ANKS1B: variants seen among roughly 807,000 people sequenced by gnomAD.
ANKS1B encodes the protein ankyrin repeat and sterile alpha motif domain-containing protein 1B.
A neutral mutation model predicts 148.3 loss-of-function variants in ANKS1B; 36 were observed. That is an observed-to-expected ratio of 0.24 (90% CI 0.19 to 0.32). ANKS1B has a LOEUF of 0.32. Ranked by LOEUF, ANKS1B falls within the 10% of genes least tolerant of loss-of-function variation. The pLI is 1.00. For missense variants in ANKS1B, 1,157 were observed against 1,542.6 expected (o/e 0.75, Z 4.19); for synonymous variants, 542 against 560.8 (o/e 0.97, Z 0.47).
intron 14 of ANKS1B, among the ~76,000 whole-genome samples, chr12:99,165,016 A>C (rs2077061879): frequency 6.6e-6 from 1 of 152,008 alleles, no homozygotes. Flanking sequence ...ATATATTCAG[A>C]AAATATTTTA....
At chr12:99,683,319 T>A (rs925774979) in intron 8 of ANKS1B, among the ~76,000 whole-genome samples, 3 of 151,620 alleles carry the variant, frequency 2.0e-5, no homozygotes, top group African/African-American at 7.3e-5. Flanking sequence ...ATCACAGAAA[T>A]AGAAAAGATC....
At chr12:99,374,591 A>G (rs915404824) in intron 12 of ANKS1B, among the ~76,000 whole-genome samples, 1 of 152,198 alleles carries the variant, frequency 6.6e-6, no homozygotes, top group African/African-American at 2.4e-5. Context: ...CATTTATTTC[A>G]ATGTTTAATA....
At chr12:99,516,831 T>C (rs1408252176) in intron 9 of ANKS1B, among the ~76,000 whole-genome samples, 2 of 152,134 alleles carry the variant, frequency 1.3e-5, no homozygotes, top group Non-Finnish European at 1.5e-5. Flanking sequence ...TGTAGATGTG[T>C]GGATTTGTTT....
chr12:99,945,472 T>C (rs915950795), intron 1 of ANKS1B, among the ~76,000 whole-genome samples: 1 of 152,206 alleles, frequency 6.6e-6, no homozygotes, highest in Non-Finnish European at 1.5e-5. Context: ...TTGAAGTTTG[T>C]AGTAGTAGAT....
At chr12:99,648,171 A>G (rs749638352) in intron 9 of ANKS1B, 48 of 1,607,660 alleles carry the variant, frequency 3.0e-5, no homozygotes, top group Non-Finnish European at 4.0e-5. Context: ...ATTTAAAGGA[A>G]GACATGGAGG....
At chr12:99,265,643 T>C (rs1027405299) in intron 12 of ANKS1B, among the ~76,000 whole-genome samples, 5 of 152,148 alleles carry the variant, frequency 3.3e-5, no homozygotes, top group African/African-American at 1.2e-4. Context: ...AGGAGTTAAC[T>C]GGGGCAGTGT....
chr12:99,195,827 A>T (rs2081318267), intron 14 of ANKS1B, among the ~76,000 whole-genome samples: 1 of 152,112 alleles, frequency 6.6e-6, no homozygotes, highest in Non-Finnish European at 1.5e-5. Flanking sequence ...AATCCTCCTT[A>T]AAAGAAAGAT....
At chr12:99,227,367 C>A (rs2086113392) in intron 14 of ANKS1B, among the ~76,000 whole-genome samples, 1 of 152,202 alleles carries the variant, frequency 6.6e-6, no homozygotes, top group Non-Finnish European at 1.5e-5. Context: ...CAGGAACATG[C>A]TTCCTGTAAA....
At chr12:99,479,073 G>A (rs1350075203) in intron 10 of ANKS1B, among the ~76,000 whole-genome samples, 4 of 151,764 alleles carry the variant, frequency 2.6e-5, no homozygotes, top group Admixed American at 2.6e-4. Flanking sequence ...TATACTTTTA[G>A]CACATGTCAA....
chr12:99,655,994 A>G (rs1252080641), intron 8 of ANKS1B, among the ~76,000 whole-genome samples: 1 of 152,084 alleles, frequency 6.6e-6, no homozygotes, highest in African/African-American at 2.4e-5. Context: ...AAACAGACTG[A>G]AACTCAGTAT....
chr12:99,258,442 A>C (rs1054759797), intron 12 of ANKS1B, among the ~76,000 whole-genome samples: 1 of 151,966 alleles, frequency 6.6e-6, no homozygotes, highest in Non-Finnish European at 1.5e-5. Context: ...AAAAAAAAGC[A>C]TGCAAAATAA....
At chr12:98,851,286 T>G (rs2099523971) in intron 17 of ANKS1B, among the ~76,000 whole-genome samples, 1 of 151,790 alleles carries the variant, frequency 6.6e-6, no homozygotes, top group Non-Finnish European at 1.5e-5. Flanking sequence ...TCTTAGGGAG[T>G]AGGTTCAGAG....
chr12:98,737,873 T>C (rs2097781073), intron 9 of ANKS1B, among the ~76,000 whole-genome samples: 1 of 152,260 alleles, frequency 6.6e-6, no homozygotes, highest in Admixed American at 6.5e-5. Context: ...ACAGACATTT[T>C]ATATTATAAT....
intron 12 of ANKS1B, among the ~76,000 whole-genome samples, chr12:99,365,366 T>C (rs1013974443): frequency 2.6e-5 from 4 of 152,242 alleles, no homozygotes; most frequent in Non-Finnish European, 5.9e-5. Flanking sequence ...TAGACCAATT[T>C]CATGTGATCC....
chr12:99,038,962 T>C (rs1487101355), intron 17 of ANKS1B, among the ~76,000 whole-genome samples: 1 of 152,258 alleles, frequency 6.6e-6, no homozygotes, highest in Non-Finnish European at 1.5e-5. Flanking sequence ...GACTTATCTG[T>C]TACCTGCTTA....
intron 15 of ANKS1B, among the ~76,000 whole-genome samples, chr12:99,150,761 G>C (rs1230009368): frequency 1.3e-5 from 2 of 152,032 alleles, no homozygotes; most frequent in African/African-American, 4.8e-5. Context: ...CATTCTCTAT[G>C]TTGCAAACTC....
intron 8 of ANKS1B, among the ~76,000 whole-genome samples, chr12:99,753,321 T>C (rs1418336838): frequency 6.6e-6 from 1 of 152,102 alleles, no homozygotes; most frequent in African/African-American, 2.4e-5. Flanking sequence ...ATGCCTATGA[T>C]ATTTTTAGAC....
intron 15 of ANKS1B, among the ~76,000 whole-genome samples, chr12:99,146,630 A>T (rs960290692): frequency 1.3e-5 from 2 of 152,154 alleles, no homozygotes; most frequent in African/African-American, 4.8e-5. Flanking sequence ...TGCTCTGAAC[A>T]GCCTCAGCTA....
chr12:99,900,333 C>G (rs1355998179), intron 1 of ANKS1B, among the ~76,000 whole-genome samples: 1 of 151,512 alleles, frequency 6.6e-6, no homozygotes, highest in African/African-American at 2.4e-5. Context: ...TGGCAAAACC[C>G]TGTCTCTACT....
Sources: allele counts gnomAD v4.1 joint callset (sites outside exome capture counted in the v4.1 genomes callset), GRCh38; gene constraint gnomAD v4.1.1; transcripts MANE v1.5; gene names NCBI Gene and HGNC (gene_info 2026-07-23, HGNC 2026-07-21).